Variants in PLD1 observed in about 807,000 individuals in gnomAD.
The protein encoded by PLD1 is choline phosphatase 1.
Under a neutral mutation model 137.1 loss-of-function variants are expected in PLD1, and 112 were observed. The observed-to-expected ratio is 0.82, with a 90% confidence interval of 0.70 to 0.96. The LOEUF is 0.96. Among genes scored for constraint, PLD1 ranks in the 40% least tolerant of loss-of-function variants. PLD1 has a pLI of 0.00. For synonymous variants in PLD1, 431 were observed against 454.7 expected, an observed-to-expected ratio of 0.95 and a Z score of 0.66; for missense variants, 1,321 against 1,342.0, an observed-to-expected ratio of 0.98 and a Z score of 0.24.
intron 21 of PLD1, among the ~76,000 whole-genome samples, chr3:171,651,893 T>C (rs1305739972): frequency 6.6e-6 from 1 of 152,222 alleles, no homozygotes; most frequent in Non-Finnish European, 1.5e-5. Context: ...AAATGAGTGC[T>C]GGCCCCTGCC....
chr3:171,707,663 C>T (rs1270714400), intron 11 of PLD1, among the ~76,000 whole-genome samples: 2 of 152,130 alleles, frequency 1.3e-5, no homozygotes, highest in Non-Finnish European at 2.9e-5. Context: ...GCATCCTCTC[C>T]CAACCCCAAC....
At chr3:171,698,976 CAA>C (rs559343815) in intron 12 of PLD1, among the ~76,000 whole-genome samples, 16 of 77,188 alleles carry the variant, frequency 2.1e-4, no homozygotes, top group Middle Eastern at 8.3e-3. Context: ...AACCCCATCT[CAA>C]AAAAAAAAAA....
chr3:171,660,080 T>G (rs1443827638), intron 20 of PLD1, among the ~76,000 whole-genome samples: 2 of 152,214 alleles, frequency 1.3e-5, no homozygotes, highest in Non-Finnish European at 2.9e-5. Flanking sequence ...ATAGAATAGA[T>G]TGTTATAACA....
At chr3:171,756,372 A>G (rs534624004) in intron 1 of PLD1, among the ~76,000 whole-genome samples, 2 of 152,368 alleles carry the variant, frequency 1.3e-5, no homozygotes, top group Admixed American at 6.5e-5. Context: ...ATATTCTGCT[A>G]AACAGAAAAC....
intron 1 of PLD1, among the ~76,000 whole-genome samples, chr3:171,795,441 T>G (rs1399971421): frequency 6.6e-6 from 1 of 152,218 alleles, no homozygotes; most frequent in Non-Finnish European, 1.5e-5. Flanking sequence ...GCAATGATGC[T>G]CCAATATTGG....
Position 171,770,808 on chromosome 3 carries a change from G to C in PLD1, c.-31-32726C>G, listed in dbSNP as rs1488268529. Among the ~76,000 whole-genome samples the C allele has an allele frequency of 2.0e-5, 3 of 147,598 alleles. No homozygotes were observed. The South Asian group carries it at 6.6e-4, about 32-fold the overall frequency. ...GGAGGTTGAGGTGGGAGGATCGCTT[G>C]AGCCCAAGAGGTTGAGACTACAGTG... is the stretch of plus-strand genomic sequence containing the variant. On this transcript the variant is annotated intron_variant, in intron 1 of 26. Transcript: ENST00000351298.
At chr3:171,653,468 G>A (rs897811451) in intron 21 of PLD1, 2 of 152,138 alleles carry the variant, frequency 1.3e-5, no homozygotes, top group African/African-American at 4.8e-5. Flanking sequence ...GTCAGCTATA[G>A]GTTTCTGGCA....
At chr3:171,636,200 G>A (rs1270297736) in intron 23 of PLD1, among the ~76,000 whole-genome samples, 2 of 151,724 alleles carry the variant, frequency 1.3e-5, no homozygotes, top group East Asian at 3.9e-4. Flanking sequence ...TGCAAGTTTT[G>A]AAATCACGTA....
At chr3:171,747,119 C>T (rs765262975) in intron 1 of PLD1, among the ~76,000 whole-genome samples, 1 of 152,146 alleles carries the variant, frequency 6.6e-6, no homozygotes, top group African/African-American at 2.4e-5. Context: ...AGCGAGACCA[C>T]GAACCCACCA....
chr3:171,699,565 T>C (rs1362268192), intron 12 of PLD1, among the ~76,000 whole-genome samples, 180 bp downstream of exon 12: 3 of 152,202 alleles, frequency 2.0e-5, no homozygotes, highest in African/African-American at 4.8e-5. Flanking sequence ...AAAATATTTA[T>C]GCACTCAAAA....
At position 171,688,891 on chromosome 3, in the gene PLD1, A is replaced by C. The variant is rs1210116204; in HGVS notation, c.1339-15T>G. On this transcript the variant is annotated splice_polypyrimidine_tract_variant and intron_variant, in intron 13 of 26. Coordinates refer to ENST00000351298, the MANE Select transcript of PLD1 (RefSeq NM_002662.5). ...TGTCTCATCACCTTGAGAGGGAATA[A>C]TCCCCACTGATAATATGCTTTTGAA... 1.3e-6 allele frequency: 2 copies of C among 1,588,546 alleles called. No homozygotes were observed. The highest frequency in any genetic ancestry group is 4.5e-5 in the East Asian group (2 of 44,752).
intron 21 of PLD1, among the ~76,000 whole-genome samples, chr3:171,652,299 G>A (rs1736833352): frequency 2.0e-5 from 3 of 151,822 alleles, no homozygotes; most frequent in Admixed American, 2.0e-4. Flanking sequence ...TGTAGTCCCA[G>A]CTACTCGGGA....
intron 23 of PLD1, among the ~76,000 whole-genome samples, chr3:171,641,541 T>C (rs551617468): frequency 2.0e-5 from 3 of 152,252 alleles, no homozygotes; most frequent in African/African-American, 7.2e-5. Context: ...TTCAAAATAC[T>C]CAATTCAGGT....
chr3:171,636,895 C>T (rs574651074), intron 23 of PLD1, among the ~76,000 whole-genome samples: 6 of 150,632 alleles, frequency 4.0e-5, no homozygotes, highest in African/African-American at 1.2e-4. Context: ...TTATATGTGA[C>T]ATCTACACAT....
At chr3:171,762,206 C>T (rs1179770451) in intron 1 of PLD1, among the ~76,000 whole-genome samples, 1 of 152,224 alleles carries the variant, frequency 6.6e-6, no homozygotes, top group Non-Finnish European at 1.5e-5. Context: ...AAGGGCTTCA[C>T]AGTCTTATTC....
chr3:171,695,261 A>G (rs1480794187), intron 12 of PLD1, among the ~76,000 whole-genome samples: 1 of 152,228 alleles, frequency 6.6e-6, no homozygotes, highest in Admixed American at 6.5e-5. Flanking sequence ...TCTGCAATTT[A>G]AAAAATACAC....
chr3:171,709,409 G>T, intron 10 of PLD1, 151 bp downstream of exon 10: 1 of 553,648 alleles, frequency 1.8e-6, no homozygotes, highest in Non-Finnish European at 3.1e-6. Flanking sequence ...CTATAATCAG[G>T]TAGTCCCATA....
intron 8 of PLD1, among the ~76,000 whole-genome samples, chr3:171,715,050 A>G (rs1202044712): frequency 6.6e-6 from 1 of 152,228 alleles, no homozygotes; most frequent in Non-Finnish European, 1.5e-5. Flanking sequence ...CTAACATGAT[A>G]CAACTGAACA....
intron 21 of PLD1, among the ~76,000 whole-genome samples, chr3:171,656,774 T>A (rs138417203): frequency 6.6e-6 from 1 of 152,178 alleles, no homozygotes; most frequent in Non-Finnish European, 1.5e-5. Context: ...GATCAAGACA[T>A]CCATCCCATC....
Sources: gnomAD v4.1 joint callset for allele counts (sites outside exome capture counted in the v4.1 genomes callset) on GRCh38, gnomAD v4.1.1 for gene constraint, MANE v1.5 for transcripts, NCBI Gene and HGNC (gene_info 2026-07-23, HGNC 2026-07-21) for gene names.